CDKN2B-AS1: variants seen among roughly 807,000 people sequenced by gnomAD.
CDKN2B-AS1 encodes the protein CDKN2B and CDKN2A antisense cis and trans regulatory RNA 1.
intron 4 of CDKN2B-AS1, chr9:22,062,010 G>T (rs1823841875): frequency 6.6e-6 from 1 of 152,144 alleles, no homozygotes; most frequent in Non-Finnish European, 1.5e-5. Context: ...ATTAAAAGAA[G>T]ATAATCTTTT....
At chr9:22,089,147 G>A (rs903567983) in intron 4 of CDKN2B-AS1, among the ~76,000 whole-genome samples, 1 of 152,156 alleles carries the variant, frequency 6.6e-6, no homozygotes, top group African/African-American at 2.4e-5. Flanking sequence ...TGAGCAACAA[G>A]ATTAGGTAGA....
chr9:22,106,658 T>A (rs1825668880), intron 4 of CDKN2B-AS1, among the ~76,000 whole-genome samples: 1 of 152,196 alleles, frequency 6.6e-6, no homozygotes, highest in African/African-American at 2.4e-5. Flanking sequence ...ACTTCATATA[T>A]AAAAGCTGTG....
chr9:21,995,961 C>T lies in CDKN2B-AS1; in HGVS notation n.29+800C>T, dbSNP rs577570868. ...GAGGATTCGGGACTAGGCCCAGCTCCGGGAACCTGGAAATGTGGCCCGCTT... is the reference window on the plus strand; with the variant it reads ...GAGGATTCGGGACTAGGCCCAGCTCTGGGAACCTGGAAATGTGGCCCGCTT... On this transcript the variant is annotated intron_variant and non_coding_transcript_variant, in intron 1 of 4. Transcript: ENST00000650946. This position sits in a 1 kb window ranked among gnomAD's most constrained non-coding sequence, Gnocchi z 5.7. The T allele has an allele frequency of 6.5e-6, 1 of 152,800 alleles. No individual in the cohort carries two copies. Among genetic ancestry groups the T allele is most frequent in the South Asian group, 2.1e-4 (1 of 4,840 alleles). 9.5% of individuals were successfully genotyped at this position (152,800 alleles called of 1,614,324 possible).
intron 1 of CDKN2B-AS1, among the ~76,000 whole-genome samples, chr9:22,013,547 G>T (rs1289575969): frequency 6.6e-6 from 1 of 152,064 alleles, no homozygotes; most frequent in African/African-American, 2.4e-5. Context: ...GAATTCCTGG[G>T]CTTAAGGGAT....
chr9:22,126,536 C>G (rs866482473), intron 4 of CDKN2B-AS1, among the ~76,000 whole-genome samples: 34 of 137,256 alleles, frequency 2.5e-4, no homozygotes, highest in African/African-American at 7.0e-4. Flanking sequence ...TCCTTTTTCT[C>G]TTTGGGTATA....
chr9:22,011,006 T>C (rs1296365561), intron 1 of CDKN2B-AS1, among the ~76,000 whole-genome samples: 1 of 152,202 alleles, frequency 6.6e-6, no homozygotes, highest in Non-Finnish European at 1.5e-5. Flanking sequence ...CTGAGAATCT[T>C]GCACGAGGCA....
intron 1 of CDKN2B-AS1, among the ~76,000 whole-genome samples, chr9:22,035,500 A>G (rs891070330): frequency 6.6e-5 from 10 of 152,090 alleles, no homozygotes; most frequent in African/African-American, 2.2e-4. Flanking sequence ...GTAAGCTTCT[A>G]TTGATTTGAA....
chr9:22,012,274 G>A, intron 1 of CDKN2B-AS1: 1 of 1,469,374 alleles, frequency 6.8e-7, no homozygotes, highest in Non-Finnish European at 9.5e-7. Context: ...CCCCTGACAA[G>A]CAGCGTCTGA....
chr9:22,041,265 A>C (rs921488780), intron 1 of CDKN2B-AS1, among the ~76,000 whole-genome samples: 1 of 152,072 alleles, frequency 6.6e-6, no homozygotes, highest in Admixed American at 6.6e-5. Context: ...CAAATGCTAC[A>C]GATGTACCTG....
chr9:22,052,587 G>A (rs1241652774), intron 3 of CDKN2B-AS1, among the ~76,000 whole-genome samples: 6 of 152,160 alleles, frequency 3.9e-5, no homozygotes, highest in Non-Finnish European at 8.8e-5. Flanking sequence ...CTCCCACAGA[G>A]CACTCTTCAT....
intron 1 of CDKN2B-AS1, among the ~76,000 whole-genome samples, chr9:22,015,620 T>G (rs1011824748): frequency 1.1e-4 from 16 of 152,008 alleles, no homozygotes; most frequent in South Asian, 4.1e-4. Context: ...CCCATTTATT[T>G]TTATTTATTT....
intron 1 of CDKN2B-AS1, chr9:22,009,020 TC>T: frequency 6.2e-7 from 1 of 1,602,896 alleles, no homozygotes; most frequent in Non-Finnish European, 8.5e-7. Context: ...ACGACACTCT[TC>T]CCTTCTTTCC....
chr9:22,094,561 T>C (rs913047247), intron 4 of CDKN2B-AS1, among the ~76,000 whole-genome samples: 6 of 144,582 alleles, frequency 4.1e-5, no homozygotes, highest in Non-Finnish European at 8.8e-5. Context: ...TTTTCATTCA[T>C]TTGATCTTCC....
intron 1 of CDKN2B-AS1, among the ~76,000 whole-genome samples, chr9:22,037,260 A>T (rs1021234644): frequency 1.3e-5 from 2 of 152,050 alleles, no homozygotes; most frequent in African/African-American, 4.8e-5. Context: ...AAGAAGAAAA[A>T]TGGGGTTTAA....
intron 4 of CDKN2B-AS1, among the ~76,000 whole-genome samples, chr9:22,106,571 G>C (rs771321266): frequency 6.6e-6 from 1 of 152,116 alleles, no homozygotes; most frequent in Non-Finnish European, 1.5e-5. Flanking sequence ...GAAGGTACTA[G>C]TACTAATTTG....
chr9:22,008,595 A>G (rs1821310263), intron 1 of CDKN2B-AS1: 3 of 1,462,410 alleles, frequency 2.1e-6, no homozygotes, highest in South Asian at 1.3e-5. Context: ...CACTAAAAAA[A>G]GCTTAAACAG....
intron 4 of CDKN2B-AS1, among the ~76,000 whole-genome samples, chr9:22,093,984 T>C (rs1825186768): frequency 1.4e-5 from 2 of 144,734 alleles, no homozygotes; most frequent in South Asian, 4.2e-4. Flanking sequence ...TTTAGTGCTT[T>C]CTTCAGGAAC....
intron 3 of CDKN2B-AS1, among the ~76,000 whole-genome samples, chr9:22,051,405 T>G (rs1472737362): frequency 1.3e-5 from 2 of 152,202 alleles, no homozygotes; most frequent in Non-Finnish European, 2.9e-5. Context: ...CAAAGAGTTA[T>G]GCTTATAAGA....
chr9:22,122,298 T>A (rs1397756217), intron 4 of CDKN2B-AS1, among the ~76,000 whole-genome samples: 2 of 152,240 alleles, frequency 1.3e-5, no homozygotes, highest in South Asian at 4.1e-4. Context: ...TAGATATTAA[T>A]CTCTTGTCAG....
Sources: gnomAD v4.1 joint callset for allele counts (sites outside exome capture counted in the v4.1 genomes callset) on GRCh38, gnomAD v4.1.1 for gene constraint, Gnocchi (gnomAD v3.1) non-coding constraint, MANE v1.5 for transcripts, NCBI Gene and HGNC (gene_info 2026-07-23, HGNC 2026-07-21) for gene names.